Variants in KLHL29 observed in about 807,000 individuals in gnomAD.
The protein encoded by KLHL29 is kelch like family member 29.
In KLHL29, 21 loss-of-function variants were observed where a neutral mutation model predicts 80.4. The ratio of observed to expected loss-of-function variants is 0.26; its 90% CI spans 0.19 to 0.38. The LOEUF (loss-of-function observed/expected upper bound fraction) is 0.38, where lower values mean the gene tolerates loss of function less well. KLHL29 is among the 10% of genes least tolerant of loss of function. The pLI, the probability that KLHL29 is intolerant of heterozygous loss-of-function variation, is 1.00. For missense variants in KLHL29, 867 were observed against 1,223.9 expected (o/e 0.71, Z 4.35); for synonymous variants, 511 against 526.8 (o/e 0.97, Z 0.41).
At chr2:23,553,561 C>T (rs922866084) in intron 2 of KLHL29, among the ~76,000 whole-genome samples, 2 of 152,198 alleles carry the variant, frequency 1.3e-5, no homozygotes, top group African/African-American at 2.4e-5. Context: ...CACCTCACCC[C>T]CTGAGGAATA....
intron 3 of KLHL29, among the ~76,000 whole-genome samples, chr2:23,605,597 C>T (rs1668692166): frequency 6.6e-6 from 1 of 152,122 alleles, no homozygotes; most frequent in Non-Finnish European, 1.5e-5. Flanking sequence ...GGTATATTTT[C>T]AGAACATGTA....
At chr2:23,641,948 C>T (rs889458519) in intron 4 of KLHL29, among the ~76,000 whole-genome samples, 2 of 152,204 alleles carry the variant, frequency 1.3e-5, no homozygotes, top group East Asian at 1.9e-4. Context: ...CGCGCCACTA[C>T]ACTCCAGCCT....
intron 3 of KLHL29, among the ~76,000 whole-genome samples, chr2:23,610,946 G>A (rs2103529840): frequency 6.6e-6 from 1 of 152,250 alleles, no homozygotes; most frequent in East Asian, 1.9e-4. Context: ...TAATAAGCAA[G>A]ATAAACAAAA....
rs1553359274 is a variant in KLHL29, at chr2:23,701,194, C to CTCA, written c.2106-1991_2106-1989dup. On this transcript the variant is annotated intron_variant, in intron 11 of 13. Transcript: ENST00000486442. ...ACCCTGAACCATCCTTGGCAACTAT[C>CTCA]TCAATGAGCAAACACACCCATTCCC... Among the ~76,000 whole-genome samples, 10 of 151,910 alleles carry CTCA rather than the reference C, an allele frequency of 6.6e-5. 1 individual carries two copies. Among genetic ancestry groups the CTCA allele is most frequent in the Admixed American group, 6.6e-4 (10 of 15,252 alleles).
At chr2:23,575,398 A>G (rs1667819939) in intron 3 of KLHL29, among the ~76,000 whole-genome samples, 1 of 152,190 alleles carries the variant, frequency 6.6e-6, no homozygotes, top group Admixed American at 6.5e-5. Context: ...AACCATTCTA[A>G]GAAGCAAGTC....
chr2:23,466,228 T>G (rs1184725996), intron 1 of KLHL29, among the ~76,000 whole-genome samples: 3 of 152,184 alleles, frequency 2.0e-5, no homozygotes. Flanking sequence ...GATGTGGTAA[T>G]CTTTGCCATG....
At chr2:23,485,599 C>T (rs1355657614) in intron 2 of KLHL29, among the ~76,000 whole-genome samples, 1 of 152,216 alleles carries the variant, frequency 6.6e-6, no homozygotes, top group South Asian at 2.1e-4. Context: ...GTATGCTCAA[C>T]ATTGCATTCA....
At chr2:23,648,029 A>G (rs1483910135) in intron 5 of KLHL29, among the ~76,000 whole-genome samples, 1 of 152,080 alleles carries the variant, frequency 6.6e-6, no homozygotes, top group African/African-American at 2.4e-5. Context: ...TTCCCTTCAC[A>G]TGAAAGCAGG....
chr2:23,432,699 G>C (rs1003586780), intron 1 of KLHL29, among the ~76,000 whole-genome samples: 3 of 152,228 alleles, frequency 2.0e-5, no homozygotes, highest in Non-Finnish European at 2.9e-5. Flanking sequence ...GCTGAGACCT[G>C]CAAGAGAGGC....
chr2:23,691,633 C>A, intron 6 of KLHL29, 41 bp from the exon 7 acceptor site: 1 of 1,528,352 alleles, frequency 6.5e-7, no homozygotes, highest in Non-Finnish European at 8.9e-7. Flanking sequence ...GCACGGTGGC[C>A]GCAGGGCAGG....
At chr2:23,483,510 A>G (rs11686915) in intron 2 of KLHL29, among the ~76,000 whole-genome samples, 38,588 of 152,118 alleles carry the variant, frequency 0.25, 5,379 homozygotes, top group African/African-American at 0.36. Flanking sequence ...CCTCACAGCT[A>G]GGTTCCATGT....
chr2:23,566,232 A>G (rs1572405164), intron 3 of KLHL29, among the ~76,000 whole-genome samples: 1 of 152,342 alleles, frequency 6.6e-6, no homozygotes, highest in South Asian at 2.1e-4. Flanking sequence ...GGGCTCCCCC[A>G]GCCCCGCAAC....
intron 2 of KLHL29, among the ~76,000 whole-genome samples, chr2:23,506,575 G>C (rs776127405): frequency 6.6e-6 from 1 of 152,214 alleles, no homozygotes; most frequent in Admixed American, 6.5e-5. Flanking sequence ...CCCAAGTGGG[G>C]TACTCAAGGC....
chr2:23,582,289 G>T lies in KLHL29; in HGVS notation c.285+19808G>T, dbSNP rs555062448. On this transcript the variant is annotated intron_variant, in intron 3 of 13. Transcript: ENST00000486442. ...ATATAAATGCACCCTGATGTTTTGT[G>T]CAGGAAGGGCTCCATTCTTAAAATC... 2.0e-5 allele frequency among the ~76,000 whole-genome samples: 3 copies of T among 152,326 alleles called. No homozygotes were observed. The East Asian group carries it at 5.8e-4, about 29-fold the overall frequency.
At position 23,523,580 on chromosome 2, in the gene KLHL29, C is replaced by T. The variant is rs114178214; in HGVS notation, c.-45-38572C>T. 2.6e-3 allele frequency among the ~76,000 whole-genome samples: 402 copies of T among 152,284 alleles called. 1 individual carries two copies. The highest frequency in any genetic ancestry group is 8.4e-3 in the African/African-American group (349 of 41,556). On this transcript the variant is annotated intron_variant, in intron 2 of 13. Transcript: ENST00000486442. ...CACGTCTGATTTGGATTTTTTTCCT[C>T]GCCTTGGCTTCACGTAGTGAGTCTC...
intron 2 of KLHL29, among the ~76,000 whole-genome samples, chr2:23,530,530 A>G (rs1049748344): frequency 6.6e-6 from 1 of 152,164 alleles, no homozygotes; most frequent in Non-Finnish European, 1.5e-5. Context: ...CAGCGGCCAT[A>G]TGGTACTTAA....
chr2:23,427,178 C>G (rs138960160), intron 1 of KLHL29, among the ~76,000 whole-genome samples: 1 of 152,120 alleles, frequency 6.6e-6, no homozygotes, highest in Non-Finnish European at 1.5e-5. Context: ...ATTGCACAGC[C>G]GAAAACTGTG....
At chr2:23,623,923 G>T (rs1369987984) in intron 3 of KLHL29, among the ~76,000 whole-genome samples, 1 of 152,196 alleles carries the variant, frequency 6.6e-6, no homozygotes, top group Non-Finnish European at 1.5e-5. Flanking sequence ...CCCCATTTCT[G>T]CAGCTGACTT....
chr2:23,629,589 C>G lies in KLHL29; in HGVS notation c.286-9550C>G, dbSNP rs572522517. On this transcript the variant is annotated intron_variant, in intron 3 of 13. Coordinates refer to ENST00000486442, the MANE Select transcript of KLHL29 (RefSeq NM_052920.2). ...TGGGAGGGGGGCTTGGAGGAAGGGGCTGGGGGCCCGGACAGGGCACATTCC... is the reference window on the plus strand; with the variant it reads ...TGGGAGGGGGGCTTGGAGGAAGGGGGTGGGGGCCCGGACAGGGCACATTCC... Among the ~76,000 whole-genome samples, 3 of 152,268 alleles carry G rather than the reference C, an allele frequency of 2.0e-5. No individual in the cohort carries two copies. The East Asian group carries it at 5.8e-4, about 29-fold the overall frequency.
Sources: gnomAD v4.1 joint callset for allele counts (sites outside exome capture counted in the v4.1 genomes callset) on GRCh38, gnomAD v4.1.1 for gene constraint, MANE v1.5 for transcripts, NCBI Gene and HGNC (gene_info 2026-07-23, HGNC 2026-07-21) for gene names.